Variants in HS2ST1 observed in about 807,000 individuals in gnomAD.
HS2ST1 encodes heparan sulfate 2-O-sulfotransferase 1.
A neutral mutation model predicts 42.9 loss-of-function variants in HS2ST1; 18 were observed. The ratio of observed to expected loss-of-function variants is 0.42; its 90% CI spans 0.29 to 0.62. HS2ST1 has a LOEUF of 0.62. Among genes scored for constraint, HS2ST1 ranks in the 20% least tolerant of loss-of-function variants. The pLI, the probability that HS2ST1 is intolerant of heterozygous loss-of-function variation, is 0.21. For synonymous variants in HS2ST1, 146 were observed against 152.9 expected (o/e 0.95, Z 0.33); for missense variants, 334 against 433.8 (o/e 0.77, Z 2.04).
At chr1:86,994,560 G>T (rs1262940817) in intron 1 of HS2ST1, among the ~76,000 whole-genome samples, 2 of 151,932 alleles carry the variant, frequency 1.3e-5, no homozygotes, top group African/African-American at 4.8e-5. Flanking sequence ...TCCTTTTTTT[G>T]AGGATAATTA....
At chr1:86,991,744 G>A (rs1457565227) in intron 1 of HS2ST1, among the ~76,000 whole-genome samples, 1 of 152,142 alleles carries the variant, frequency 6.6e-6, no homozygotes, top group Non-Finnish European at 1.5e-5. Flanking sequence ...GATAAGACTT[G>A]TACCTCACAG....
intron 1 of HS2ST1, among the ~76,000 whole-genome samples, chr1:87,002,192 G>A (rs1016924111): frequency 1.1e-4 from 17 of 152,182 alleles, no homozygotes; most frequent in Non-Finnish European, 1.9e-4. Flanking sequence ...GATTACAGGC[G>A]TGAGCCACCG....
intron 1 of HS2ST1, among the ~76,000 whole-genome samples, chr1:87,018,989 A>T (rs750446753): frequency 6.6e-6 from 1 of 152,216 alleles, no homozygotes; most frequent in Non-Finnish European, 1.5e-5. Flanking sequence ...GTTTCTTTAG[A>T]TAGGCATTCT....
chr1:87,095,579 T>A (rs1652040747), intron 4 of HS2ST1, among the ~76,000 whole-genome samples: 1 of 152,170 alleles, frequency 6.6e-6, no homozygotes, highest in African/African-American at 2.4e-5. Flanking sequence ...AATTTAACCT[T>A]TGCCCAGTAC....
chr1:87,037,472 A>G (rs1650408181), intron 1 of HS2ST1, among the ~76,000 whole-genome samples: 1 of 151,876 alleles, frequency 6.6e-6, no homozygotes, highest in Admixed American at 6.6e-5. Flanking sequence ...AAATTAAAAG[A>G]TTACAGAAAA....
chr1:86,988,051 C>T (rs189090878), intron 1 of HS2ST1, among the ~76,000 whole-genome samples: 1 of 152,304 alleles, frequency 6.6e-6, no homozygotes, highest in Admixed American at 6.5e-5. Context: ...ACCTCAGCTC[C>T]ATTTGCAGTG....
At chr1:87,097,314 A>G (rs1480658509) in intron 4 of HS2ST1, among the ~76,000 whole-genome samples, 2 of 152,258 alleles carry the variant, frequency 1.3e-5, no homozygotes, top group Admixed American at 6.5e-5. Context: ...ATAGACAGAC[A>G]GATCAACCTA....
chr1:86,963,239 G>A (rs1408088976), intron 1 of HS2ST1, among the ~76,000 whole-genome samples: 1 of 151,864 alleles, frequency 6.6e-6, no homozygotes, highest in Non-Finnish European at 1.5e-5. Flanking sequence ...GGACAATAGT[G>A]GAGGGAAGGT....
intron 1 of HS2ST1, among the ~76,000 whole-genome samples, chr1:86,984,303 T>C (rs1648693816): frequency 2.0e-5 from 3 of 152,248 alleles, no homozygotes; most frequent in African/African-American, 4.8e-5. Context: ...CGTAGGATTC[T>C]GATGTCTGAT....
intron 1 of HS2ST1, among the ~76,000 whole-genome samples, chr1:87,039,088 G>A (rs772732131): frequency 1.3e-4 from 20 of 152,116 alleles, no homozygotes; most frequent in African/African-American, 4.3e-4. Context: ...ATAATGATAC[G>A]TGGGTTAGTA....
intron 1 of HS2ST1, among the ~76,000 whole-genome samples, chr1:87,050,919 T>C (rs1475894825): frequency 6.6e-6 from 1 of 152,180 alleles, no homozygotes; most frequent in Non-Finnish European, 1.5e-5. Flanking sequence ...AGTCTTGACA[T>C]GTATGGAGCT....
intron 1 of HS2ST1, among the ~76,000 whole-genome samples, chr1:87,061,238 T>A (rs1376350523): frequency 6.6e-6 from 1 of 152,144 alleles, no homozygotes; most frequent in Non-Finnish European, 1.5e-5. Context: ...TCTCAATATT[T>A]GGTAATTTTT....
chr1:86,944,547 G>A (rs1394988747), intron 1 of HS2ST1, among the ~76,000 whole-genome samples: 2 of 151,924 alleles, frequency 1.3e-5, no homozygotes, highest in Non-Finnish European at 2.9e-5. Context: ...TAGAGATGGG[G>A]TTTCACCATG....
At chr1:87,001,677 G>A (rs940089970) in intron 1 of HS2ST1, among the ~76,000 whole-genome samples, 5 of 152,166 alleles carry the variant, frequency 3.3e-5, no homozygotes, top group African/African-American at 7.2e-5. Flanking sequence ...GCAATGGCAC[G>A]ATCTTGGCTC....
At chr1:87,053,804 T>C (rs1184591570) in intron 1 of HS2ST1, among the ~76,000 whole-genome samples, 1 of 152,208 alleles carries the variant, frequency 6.6e-6, no homozygotes, top group Non-Finnish European at 1.5e-5. Flanking sequence ...GCAGATTTGT[T>C]TTTGGTTGTA....
chr1:87,095,130 T>C (rs1297898385), intron 4 of HS2ST1, among the ~76,000 whole-genome samples: 1 of 152,144 alleles, frequency 6.6e-6, no homozygotes, highest in Admixed American at 6.5e-5. Flanking sequence ...CTTAATATCT[T>C]TAACTAGCAG....
At chr1:87,014,250 G>A (rs1649685854) in intron 1 of HS2ST1, among the ~76,000 whole-genome samples, 1 of 152,178 alleles carries the variant, frequency 6.6e-6, no homozygotes, top group African/African-American at 2.4e-5. Context: ...ACATGGCTGG[G>A]GAGGCCTCAC....
chr1:87,072,369 CCTG>C (rs1245269076), intron 1 of HS2ST1, among the ~76,000 whole-genome samples: 3 of 152,206 alleles, frequency 2.0e-5, no homozygotes, highest in Admixed American at 6.5e-5. Flanking sequence ...TAATCACTGT[CCTG>C]CTACATTTTT....
chr1:87,090,346 T>C (rs1651910092), intron 3 of HS2ST1, among the ~76,000 whole-genome samples: 1 of 152,018 alleles, frequency 6.6e-6, no homozygotes, highest in African/African-American at 2.4e-5. Context: ...GACAGTGCTA[T>C]GTATTTGCAA....
Sources: allele counts gnomAD v4.1 joint callset (sites outside exome capture counted in the v4.1 genomes callset), GRCh38; gene constraint gnomAD v4.1.1; transcripts MANE v1.5; gene names NCBI Gene and HGNC (gene_info 2026-07-23, HGNC 2026-07-21).